UCKL1: variants seen among roughly 807,000 people sequenced by gnomAD.
The protein encoded by UCKL1 is uridine-cytidine kinase-like 1.
Under a neutral mutation model 59.2 loss-of-function variants are expected in UCKL1, and 65 were observed. The observed-to-expected ratio is 1.10, with a 90% CI of 0.90 to 1.35. The LOEUF (loss-of-function observed/expected upper bound fraction) is 1.35, where lower values mean the gene tolerates loss of function less well. Ranked by LOEUF, UCKL1 falls within the 40% of genes most tolerant of loss-of-function variation. The pLI, the probability that UCKL1 is intolerant of heterozygous loss-of-function variation, is 0.00. For missense variants in UCKL1, 703 were observed against 784.3 expected, an observed-to-expected ratio of 0.90 and a Z score of 1.24; for synonymous variants, 410 against 323.1, an observed-to-expected ratio of 1.27 and a Z score of -2.88.
chr20:63,946,260 T>TC lies in UCKL1; in HGVS notation c.311dup (p.Gly105ArgfsTer37), dbSNP rs753227988. 12 of 1,592,780 alleles carry TC rather than the reference T, an allele frequency of 7.5e-6. No individual in the cohort carries two copies. The African/African-American group carries it at 1.3e-4, about 18-fold the overall frequency. ...TGGTCTTCCCAGAGGCACTGCCGCC[T>TC]CCCAAGCCTGCCGGCGGGAGTGGAG... On this transcript the variant is annotated frameshift_variant, in exon 3 of 15. Coordinates refer to ENST00000354216, the MANE Select transcript of UCKL1 (RefSeq NM_017859.4). LOFTEE classifies it high-confidence loss of function.
chr20:63,945,514 G>A (rs2055928123), intron 5 of UCKL1, 137 bp downstream of exon 5: 3 of 858,464 alleles, frequency 3.5e-6, no homozygotes, highest in South Asian at 3.6e-5. Flanking sequence ...CTGGGGTTGG[G>A]GTTGGGGTAG....
At chr20:63,953,729 T>G (rs2058080772) in intron 1 of UCKL1, 1 of 151,862 alleles carries the variant, frequency 6.6e-6, no homozygotes, top group Admixed American at 6.6e-5. Flanking sequence ...CACAGGCATG[T>G]GTGGAGACCT....
chr20:63,946,242 C>T lies in UCKL1; in HGVS notation c.330G>A (p.Gly110=), dbSNP rs1440979296. The T allele has an allele frequency of 1.3e-5, 21 of 1,602,964 alleles. No individual in the cohort carries two copies. Among genetic ancestry groups the T allele is most frequent in the Non-Finnish European group, 1.8e-5 (21 of 1,175,524 alleles). ...TGATCATTCTGGCCACAGTGGTCTT[C>T]CCAGAGGCACTGCCGCCTCCCAAGC... The part of the protein sequence containing the change: ...AIGLGGGSAS[G]KTTVARMIIE... The change falls in exon 3 of 15, where the codon GGG becomes GGA. Residue 110 remains glycine (G), a synonymous_variant. Coordinates refer to ENST00000354216, the MANE Select transcript of UCKL1 (RefSeq NM_017859.4).
chr20:63,947,855 C>T (rs893312574), intron 1 of UCKL1, among the ~76,000 whole-genome samples: 44 of 152,246 alleles, frequency 2.9e-4, no homozygotes, highest in Admixed American at 1.8e-3. Context: ...ATGCACTGCA[C>T]GTGCTGGACC....
At chr20:63,950,838 C>A (rs764581375) in intron 1 of UCKL1, 1 of 1,511,654 alleles carries the variant, frequency 6.6e-7, no homozygotes. Flanking sequence ...GTCGAGGACA[C>A]GGGTGGGTGC....
At chr20:63,943,227 C>CCAGGGAAAG (rs1338889090) in intron 8 of UCKL1, among the ~76,000 whole-genome samples, 14 of 152,360 alleles carry the variant, frequency 9.2e-5, no homozygotes, top group Non-Finnish European at 1.5e-4. Context: ...AGGCCCTCCA[C>CCAGGGAAAG]CTGCAACCAG....
Position 63,940,738 on chromosome 20 carries a change from C to T in UCKL1, c.1180-22G>A, listed in dbSNP as rs901259988. The T allele has an allele frequency of 4.4e-6, 7 of 1,606,226 alleles. No individual in the cohort carries two copies. In the South Asian group the frequency reaches 4.4e-5, roughly 10 times the overall value. Reference sequence around the variant, plus strand: ...TGATCTGCGGGGAGGGGAGGCTAAGCGCCCACATCCCGCCCCAGCAGCCTG... The same window carrying T: ...TGATCTGCGGGGAGGGGAGGCTAAGTGCCCACATCCCGCCCCAGCAGCCTG... On this transcript the variant is annotated intron_variant, in intron 11 of 14. Transcript: ENST00000354216.
At chr20:63,948,296 C>T (rs1175386525) in intron 1 of UCKL1, 2 of 152,108 alleles carry the variant, frequency 1.3e-5, no homozygotes, top group Admixed American at 6.5e-5. Flanking sequence ...GGGAAAGCTC[C>T]GCAAACGGCA....
At position 63,947,731 on chromosome 20, in the gene UCKL1, G is replaced by GC. The variant is rs113463026; in HGVS notation, c.114-1089dup. 3.1e-4 allele frequency among the ~76,000 whole-genome samples: 47 copies of GC among 152,388 alleles called. 1 individual carries two copies. The highest frequency in any genetic ancestry group is 1.1e-3 in the African/African-American group (47 of 41,600). On this transcript the variant is annotated intron_variant, in intron 1 of 14. Coordinates refer to ENST00000354216, the MANE Select transcript of UCKL1 (RefSeq NM_017859.4). ...TCTGGCAAACACCAGAGAGGAAAGTGCTGCCACCTGTCTGGGCTGCCGTGA... is the reference window on the plus strand; with the variant it reads ...TCTGGCAAACACCAGAGAGGAAAGTGCCTGCCACCTGTCTGGGCTGCCGTGA...
At chr20:63,949,063 G>T (rs187855621) in intron 1 of UCKL1, among the ~76,000 whole-genome samples, 1 of 152,158 alleles carries the variant, frequency 6.6e-6, no homozygotes, top group South Asian at 2.1e-4. Context: ...AAAGAGACCC[G>T]CCGTCTGCAC....
intron 8 of UCKL1, chr20:63,941,449 G>A (rs955339771): frequency 6.7e-6 from 4 of 592,684 alleles, no homozygotes; most frequent in African/African-American, 5.6e-5. Flanking sequence ...CAGGCAGAAA[G>A]CTAGCGGGGT....
intron 8 of UCKL1, 35 bp from the exon 9 acceptor site, chr20:63,941,243 G>T: frequency 6.8e-7 from 1 of 1,466,480 alleles, no homozygotes; most frequent in South Asian, 1.4e-5. Flanking sequence ...CTCAAGAAGG[G>T]GGTCTTTTCC....
rs202164341 is a variant in UCKL1 at position 63,946,510 on chromosome 20, C to T, written c.247G>A (p.Gly83Arg). ...RTSKRTIYTAGRPPWYNEHGT... is the reference protein window; with the variant it reads ...RTSKRTIYTARRPPWYNEHGT... The stretch of plus-strand genomic sequence containing the variant: ...TGTTCATTGTACCAGGGCGGCCGCC[C>T]GGCGGTGTAGATGGTACGCTTGCTT... The change falls in exon 2 of 15, where the codon GGG becomes AGG. Residue 83 changes from glycine (G) to arginine (R), a missense_variant. By Grantham distance (125) the Gly-to-Arg change is moderately radical. This residue lies in a region of UCKL1 where 398 missense variants were observed against 373.0 expected (regional missense o/e 1.07). Transcript: ENST00000354216. 16 of 1,596,256 alleles carry T rather than the reference C, an allele frequency of 1.0e-5. No individual in the cohort carries two copies. Among genetic ancestry groups the T allele is most frequent in the Admixed American group, 6.9e-5 (4 of 57,832 alleles).
chr20:63,943,957 C>T (rs571490773), intron 7 of UCKL1, among the ~76,000 whole-genome samples: 2 of 152,338 alleles, frequency 1.3e-5, no homozygotes, highest in South Asian at 4.1e-4. Context: ...GCTCCAAGGC[C>T]CAGCCATAGA....
rs372890405 is a variant in UCKL1, at chr20:63,946,657, T to A, written c.114-14A>T. On this transcript the variant is annotated splice_polypyrimidine_tract_variant and intron_variant, in intron 1 of 14. Transcript: ENST00000354216. ...TCTGCATTGCTGCTGCAGAGAGGGA[T>A]GTACTCGGATGTGGCCCAGAGCTGC... The A allele has an allele frequency of 1.2e-6, 2 of 1,602,530 alleles. No homozygotes were observed. Among genetic ancestry groups the A allele is most frequent in the Non-Finnish European group, 1.7e-6 (2 of 1,178,710 alleles).
intron 8 of UCKL1, chr20:63,942,441 A>G: frequency 8.5e-7 from 1 of 1,172,118 alleles, no homozygotes; most frequent in Admixed American, 4.0e-5. Flanking sequence ...GGCGGGTCAC[A>G]CAGCAGCACC....
At chr20:63,949,663 G>C (rs1322200795) in intron 1 of UCKL1, among the ~76,000 whole-genome samples, 1 of 152,188 alleles carries the variant, frequency 6.6e-6, no homozygotes, top group East Asian at 1.9e-4. Context: ...GGCCGTGGTG[G>C]GCAGAGAACA....
At chr20:63,948,098 A>G (rs2056739489) in intron 1 of UCKL1, 1 of 152,348 alleles carries the variant, frequency 6.6e-6, no homozygotes, top group South Asian at 2.1e-4. Context: ...GGTCCGGCAG[A>G]AGGCACTTGT....
chr20:63,940,449 C>A lies in UCKL1; in HGVS notation c.1339G>T (p.Asp447Tyr). The A allele has an allele frequency of 6.2e-7, 1 of 1,612,232 alleles. No homozygotes were observed. Among genetic ancestry groups the A allele is most frequent in the South Asian group, 1.1e-5 (1 of 91,036 alleles). ...GTGCAGTCCATGAGGATCACGTGGT[C>A]ATCGCTGATGTCCTTGGGCAGCCTC... ...YLRLPKDISD[D>Y]HVILMDCTVS... The change falls in exon 13 of 15, where the codon GAC (aspartate) becomes TAC (tyrosine). Residue 447 changes from aspartate (D) to tyrosine (Y), a missense_variant. Around this residue, in one of 4 missense-constraint regions of UCKL1, gnomAD observed 124 missense variants for 161.1 expected, o/e 0.77. Transcript: ENST00000354216.
Sources: allele counts gnomAD v4.1 joint callset (sites outside exome capture counted in the v4.1 genomes callset), GRCh38; gene constraint gnomAD v4.1.1; regional missense constraint gnomAD v4.1.1; transcripts MANE v1.5; gene names NCBI Gene and HGNC (gene_info 2026-07-23, HGNC 2026-07-21).